Variants in NRG3 observed in about 807,000 individuals in gnomAD.
NRG3 encodes the protein neuregulin 3, also known as pro-neuregulin-3, membrane-bound isoform.
Under a neutral mutation model 66.9 loss-of-function variants are expected in NRG3, and 31 were observed. The ratio of observed to expected loss-of-function variants is 0.46; its 90% CI spans 0.35 to 0.63. NRG3 has a LOEUF of 0.63. NRG3 is among the 20% of genes least tolerant of loss of function. NRG3 has a pLI of 0.00. For synonymous variants in NRG3, 393 were observed against 359.4 expected (o/e 1.09, Z -1.06); for missense variants, 910 against 878.9 (o/e 1.04, Z -0.45).
intron 1 of NRG3, among the ~76,000 whole-genome samples, chr10:82,338,031 C>T (rs528989775): frequency 3.0e-4 from 46 of 152,226 alleles, no homozygotes; most frequent in African/African-American, 6.0e-4. Context: ...TCATGTGCAT[C>T]GATATGAAGA....
intron 1 of NRG3, among the ~76,000 whole-genome samples, chr10:81,997,076 C>T (rs2060967279): frequency 6.6e-6 from 1 of 152,184 alleles, no homozygotes; most frequent in Non-Finnish European, 1.5e-5. Flanking sequence ...CATTTCCTCA[C>T]TCTTGCATGC....
At chr10:81,903,237 C>CG (rs1250969975) in intron 1 of NRG3, among the ~76,000 whole-genome samples, 1 of 151,928 alleles carries the variant, frequency 6.6e-6, no homozygotes, top group Non-Finnish European at 1.5e-5. Flanking sequence ...ACTCAGAGGC[C>CG]GGGTGCTTCA....
intron 2 of NRG3, among the ~76,000 whole-genome samples, chr10:82,515,517 A>C (rs916884141): frequency 6.6e-6 from 1 of 152,192 alleles, no homozygotes; most frequent in Non-Finnish European, 1.5e-5. Context: ...TTTAGTTACT[A>C]TACAAATGGG....
At chr10:82,124,982 G>A (rs1221581121) in intron 1 of NRG3, among the ~76,000 whole-genome samples, 4 of 151,890 alleles carry the variant, frequency 2.6e-5, no homozygotes, top group Non-Finnish European at 4.4e-5. Context: ...TTCTTGTCAA[G>A]CTGAACTATG....
At chr10:81,929,620 T>A (rs1847146322) in intron 1 of NRG3, among the ~76,000 whole-genome samples, 2 of 152,286 alleles carry the variant, frequency 1.3e-5, no homozygotes, top group South Asian at 4.1e-4. Context: ...CTACAATGTA[T>A]TTCCCTAGCA....
chr10:82,137,935 T>C (rs930594652), intron 1 of NRG3, among the ~76,000 whole-genome samples: 1 of 152,196 alleles, frequency 6.6e-6, no homozygotes, highest in Non-Finnish European at 1.5e-5. Flanking sequence ...TGTCCTTAAC[T>C]TGGGTAAGTC....
intron 2 of NRG3, among the ~76,000 whole-genome samples, chr10:82,672,878 C>T (rs1400855756): frequency 3.9e-5 from 6 of 152,148 alleles, no homozygotes; most frequent in East Asian, 3.9e-4. Context: ...GCCTCCCTAG[C>T]AGCTGGGATT....
At chr10:82,171,469 G>A (rs1446338900) in intron 1 of NRG3, among the ~76,000 whole-genome samples, 2 of 152,058 alleles carry the variant, frequency 1.3e-5, no homozygotes, top group African/African-American at 4.8e-5. Flanking sequence ...GAATGATATA[G>A]GTCATAAATG....
intron 2 of NRG3, among the ~76,000 whole-genome samples, chr10:82,708,134 T>G (rs1490712776): frequency 6.7e-6 from 1 of 148,922 alleles, no homozygotes; most frequent in African/African-American, 2.6e-5. Context: ...TACTCTGCTA[T>G]TTTTTTCAAA....
intron 1 of NRG3, among the ~76,000 whole-genome samples, chr10:81,912,036 A>G (rs536927030): frequency 2.4e-4 from 36 of 152,182 alleles, no homozygotes; most frequent in African/African-American, 8.7e-4. Flanking sequence ...AATTATACTC[A>G]CCAGAAAAAA....
At chr10:82,943,564 A>G (rs534177957) in intron 4 of NRG3, among the ~76,000 whole-genome samples, 20 of 152,356 alleles carry the variant, frequency 1.3e-4, no homozygotes, top group African/African-American at 4.3e-4. Flanking sequence ...AAGGAGGAGT[A>G]TATCTCAGTT....
At chr10:82,647,785 G>C (rs1288873483) in intron 2 of NRG3, among the ~76,000 whole-genome samples, 8 of 151,902 alleles carry the variant, frequency 5.3e-5, no homozygotes, top group Non-Finnish European at 8.8e-5. Flanking sequence ...TGTGTTTTTT[G>C]GCTGCATAAT....
intron 1 of NRG3, among the ~76,000 whole-genome samples, chr10:81,979,124 G>C (rs573895502): frequency 1.3e-5 from 2 of 150,586 alleles, no homozygotes; most frequent in African/African-American, 4.9e-5. Flanking sequence ...GGGAGGCAGA[G>C]GTTGCAGTGA....
At chr10:82,469,924 G>T (rs907072324) in intron 2 of NRG3, among the ~76,000 whole-genome samples, 11 of 152,176 alleles carry the variant, frequency 7.2e-5, no homozygotes, top group African/African-American at 2.7e-4. Context: ...GAATGTGCAT[G>T]CTAAGAAACG....
intron 1 of NRG3, among the ~76,000 whole-genome samples, chr10:82,116,548 G>A (rs2067731912): frequency 6.6e-6 from 1 of 152,040 alleles, no homozygotes; most frequent in Non-Finnish European, 1.5e-5. Context: ...AGAGGATGAG[G>A]ATCTCATATA....
At chr10:82,176,122 C>T (rs1446391218) in intron 1 of NRG3, among the ~76,000 whole-genome samples, 1 of 152,138 alleles carries the variant, frequency 6.6e-6, no homozygotes, top group Non-Finnish European at 1.5e-5. Context: ...TTCTCAAAGT[C>T]TTTAATACAT....
At chr10:82,702,260 T>C (rs1436037135) in intron 2 of NRG3, among the ~76,000 whole-genome samples, 2 of 152,114 alleles carry the variant, frequency 1.3e-5, no homozygotes, top group East Asian at 3.9e-4. Context: ...TGAAAATGGG[T>C]TAGAGATAAT....
intron 2 of NRG3, among the ~76,000 whole-genome samples, chr10:82,585,919 A>T (rs2046642659): frequency 6.6e-6 from 1 of 152,200 alleles, no homozygotes; most frequent in Non-Finnish European, 1.5e-5. Context: ...AAACTATTGA[A>T]ATAGGATTAC....
At chr10:82,530,661 A>G (rs1847157842) in intron 2 of NRG3, among the ~76,000 whole-genome samples, 1 of 151,958 alleles carries the variant, frequency 6.6e-6, no homozygotes, top group East Asian at 1.9e-4. Context: ...CCAGAAAGAT[A>G]AGACATTAAA....
Sources: allele counts gnomAD v4.1 joint callset (sites outside exome capture counted in the v4.1 genomes callset), GRCh38; gene constraint gnomAD v4.1.1; transcripts MANE v1.5; gene names NCBI Gene and HGNC (gene_info 2026-07-23, HGNC 2026-07-21).